Variants in NRXN1 observed in about 807,000 individuals in gnomAD.
The protein encoded by NRXN1 is neurexin-1.
NRXN1 carries 39 observed loss-of-function variants against 150.9 expected under a neutral mutation model. The ratio of observed to expected loss-of-function variants is 0.26; its 90% confidence interval spans 0.20 to 0.34. NRXN1 has a LOEUF of 0.34. NRXN1 is among the 10% of genes least tolerant of loss of function. NRXN1 has a pLI of 1.00. For missense variants in NRXN1, 1,815 were observed against 1,949.9 expected, an observed-to-expected ratio of 0.93 and a Z score of 1.30; for synonymous variants, 924 against 757.0, an observed-to-expected ratio of 1.22 and a Z score of -3.62.
At chr2:50,593,110 T>C (rs1298387214) in intron 8 of NRXN1, among the ~76,000 whole-genome samples, 1 of 152,236 alleles carries the variant, frequency 6.6e-6, no homozygotes, top group Non-Finnish European at 1.5e-5. Context: ...GAGTCTGTAG[T>C]TTTTGTGAAC....
At chr2:50,236,275 C>T (rs1574654828) in intron 18 of NRXN1, among the ~76,000 whole-genome samples, 1 of 152,038 alleles carries the variant, frequency 6.6e-6, no homozygotes, top group East Asian at 1.9e-4. Context: ...CAAAATGGCA[C>T]AGAAACAATC....
chr2:50,723,970 T>C (rs749611109), intron 5 of NRXN1, among the ~76,000 whole-genome samples: 1 of 152,220 alleles, frequency 6.6e-6, no homozygotes, highest in Non-Finnish European at 1.5e-5. Flanking sequence ...AAGTTCTTGC[T>C]TCATTTTTTC....
intron 17 of NRXN1, among the ~76,000 whole-genome samples, chr2:50,246,416 C>A (rs888612310): frequency 3.9e-5 from 6 of 151,948 alleles, no homozygotes; most frequent in Non-Finnish European, 8.8e-5. Context: ...TAGAAGGGAC[C>A]ATGCAAACAA....
chr2:50,348,964 A>T (rs1026511839), intron 17 of NRXN1, among the ~76,000 whole-genome samples: 9 of 152,120 alleles, frequency 5.9e-5, no homozygotes, highest in Non-Finnish European at 1.0e-4. Flanking sequence ...AGTATTTTTT[A>T]AAAAATGTAA....
chr2:50,769,720 T>C (rs1370002440), intron 5 of NRXN1, among the ~76,000 whole-genome samples: 1 of 151,986 alleles, frequency 6.6e-6, no homozygotes, highest in Non-Finnish European at 1.5e-5. Flanking sequence ...ATAAAGAAAA[T>C]TTATACTTTC....
At chr2:51,006,312 G>A (rs970812116) in intron 2 of NRXN1, among the ~76,000 whole-genome samples, 10 of 149,966 alleles carry the variant, frequency 6.7e-5, no homozygotes, top group African/African-American at 2.2e-4. Flanking sequence ...ACCAAACACA[G>A]CATGTTCTCA....
At chr2:50,650,603 C>T (rs145778229) in intron 5 of NRXN1, among the ~76,000 whole-genome samples, 478 of 152,152 alleles carry the variant, frequency 3.1e-3, no homozygotes, top group Non-Finnish European at 5.7e-3. Flanking sequence ...TCATTACGTG[C>T]ATGCCTAAAC....
intron 2 of NRXN1, among the ~76,000 whole-genome samples, chr2:50,962,234 AT>A (rs985830038): frequency 6.6e-6 from 1 of 151,746 alleles, no homozygotes; most frequent in Non-Finnish European, 1.5e-5. Flanking sequence ...TGCAGTTAAT[AT>A]TAACAAAAGG....
intron 5 of NRXN1, among the ~76,000 whole-genome samples, chr2:50,795,125 C>G (rs1460876264): frequency 6.6e-6 from 1 of 152,098 alleles, no homozygotes; most frequent in Non-Finnish European, 1.5e-5. Flanking sequence ...ATCCTTACAT[C>G]TGGGACCTGT....
intron 5 of NRXN1, among the ~76,000 whole-genome samples, chr2:50,640,342 C>A (rs1683890565): frequency 6.6e-6 from 1 of 152,126 alleles, no homozygotes; most frequent in Non-Finnish European, 1.5e-5. Context: ...GTAATAATAT[C>A]ACAAAACCTT....
At position 50,038,563 on chromosome 2, in the gene NRXN1, A is replaced by G. The variant is rs73930990; in HGVS notation, c.4128+14708T>C. 4.1e-3 allele frequency among the ~76,000 whole-genome samples: 628 copies of G among 152,288 alleles called. 4 individuals carry two copies. Among genetic ancestry groups the G allele is most frequent in the African/African-American group, 0.015 (608 of 41,566 alleles). ...TCACCAGTTTAACTCCAGCCTCACA[A>G]GAGATACTGAGCCACAGGCACCCAG... On this transcript the variant is annotated intron_variant, in intron 21 of 22. Transcript: ENST00000401669.
chr2:50,235,800 A>G (rs983404150), intron 18 of NRXN1, among the ~76,000 whole-genome samples: 2 of 152,038 alleles, frequency 1.3e-5, no homozygotes, highest in African/African-American at 4.8e-5. Context: ...CAGAACCTCA[A>G]GGATAAAAAA....
At chr2:50,711,699 A>G (rs964711560) in intron 5 of NRXN1, among the ~76,000 whole-genome samples, 3 of 152,098 alleles carry the variant, frequency 2.0e-5, no homozygotes, top group Non-Finnish European at 2.9e-5. Context: ...AAACTCATGC[A>G]TTAGAAACTT....
At chr2:50,775,803 T>C (rs1053142835) in intron 5 of NRXN1, among the ~76,000 whole-genome samples, 2 of 152,120 alleles carry the variant, frequency 1.3e-5, no homozygotes, top group African/African-American at 4.8e-5. Context: ...TTTGGTCTCT[T>C]ATAATCTCTT....
intron 5 of NRXN1, among the ~76,000 whole-genome samples, chr2:50,726,047 C>G (rs858945): frequency 0.12 from 17,848 of 152,116 alleles, 1,099 homozygotes; most frequent in South Asian, 0.15. Context: ...TTGGGGTGTC[C>G]TGGGCACAGT....
chr2:50,991,610 G>C lies in NRXN1; in HGVS notation c.772+35892C>G, dbSNP rs970184936. Among the ~76,000 whole-genome samples the C allele has an allele frequency of 2.6e-5, 4 of 151,888 alleles. No homozygotes were observed. The East Asian group carries it at 7.7e-4, about 29-fold the overall frequency. ...TGTCATTCACCCATCTATCCTCATTGTAAGCACACTTTGCATTTGTCAATG... is the reference window on the plus strand; with the variant it reads ...TGTCATTCACCCATCTATCCTCATTCTAAGCACACTTTGCATTTGTCAATG... On this transcript the variant is annotated intron_variant, in intron 2 of 22. Coordinates refer to ENST00000401669, the MANE Select transcript of NRXN1 (RefSeq NM_001330078.2).
intron 2 of NRXN1, among the ~76,000 whole-genome samples, chr2:50,939,573 A>G (rs993138005): frequency 2.0e-5 from 3 of 152,074 alleles, no homozygotes; most frequent in African/African-American, 7.2e-5. Flanking sequence ...TTTCTCTAAC[A>G]ATTTGCCTTG....
At chr2:49,975,930 G>A (rs911802060) in intron 21 of NRXN1, among the ~76,000 whole-genome samples, 4 of 151,542 alleles carry the variant, frequency 2.6e-5, no homozygotes, top group Non-Finnish European at 4.4e-5. Context: ...GAATGAAAAA[G>A]CCATAAAATT....
chr2:50,035,590 T>G (rs1052452537), intron 21 of NRXN1, among the ~76,000 whole-genome samples: 1 of 152,112 alleles, frequency 6.6e-6, no homozygotes, highest in African/African-American at 2.4e-5. Flanking sequence ...TTATTGGCTA[T>G]GATTTGAATA....
Sources: gnomAD v4.1 joint callset for allele counts (sites outside exome capture counted in the v4.1 genomes callset) on GRCh38, gnomAD v4.1.1 for gene constraint, MANE v1.5 for transcripts, NCBI Gene and HGNC (gene_info 2026-07-23, HGNC 2026-07-21) for gene names.